The following DOCK3 variants were observed in gnomAD, a reference collection of about 807,000 sequenced individuals.
The protein encoded by DOCK3 is dedicator of cytokinesis protein 3.
In DOCK3, 60 loss-of-function variants were observed where a neutral mutation model predicts 265.6. The ratio of observed to expected loss-of-function variants is 0.23; its 90% confidence interval spans 0.18 to 0.28. The LOEUF (loss-of-function observed/expected upper bound fraction) is 0.28. Ranked by LOEUF, DOCK3 falls within the 10% of genes least tolerant of loss-of-function variation. The probability of loss-of-function intolerance (pLI) is 1.00; values close to 1 mark genes in which losing one functional copy is unlikely to be tolerated. For synonymous variants in DOCK3, 881 were observed against 938.0 expected, an observed-to-expected ratio of 0.94 and a Z score of 1.11; for missense variants, 1,981 against 2,594.3, an observed-to-expected ratio of 0.76 and a Z score of 5.14.
chr3:50,978,497 C>A (rs1056477831), intron 5 of DOCK3, among the ~76,000 whole-genome samples: 1 of 152,180 alleles, frequency 6.6e-6, no homozygotes, highest in Non-Finnish European at 1.5e-5. Flanking sequence ...AGGCAGTCTG[C>A]CCGTTCTCAG....
chr3:50,897,648 G>A (rs915662166), intron 4 of DOCK3, among the ~76,000 whole-genome samples: 3 of 151,388 alleles, frequency 2.0e-5, no homozygotes, highest in East Asian at 1.9e-4. Context: ...TTTGAGATAC[G>A]TTCAATCGGT....
chr3:50,883,751 T>C (rs938828830), intron 3 of DOCK3, among the ~76,000 whole-genome samples: 4 of 152,190 alleles, frequency 2.6e-5, no homozygotes, highest in African/African-American at 7.2e-5. Flanking sequence ...AAATCTAGAA[T>C]GTAAAATACA....
chr3:50,700,857 T>G (rs1019085659), intron 1 of DOCK3, among the ~76,000 whole-genome samples: 3 of 152,204 alleles, frequency 2.0e-5, no homozygotes, highest in African/African-American at 7.2e-5. Flanking sequence ...TAGTATAGTA[T>G]AGTAGTCTCT....
intron 4 of DOCK3, among the ~76,000 whole-genome samples, chr3:50,895,212 T>C (rs545591463): frequency 6.6e-6 from 1 of 151,922 alleles, no homozygotes; most frequent in South Asian, 2.1e-4. Flanking sequence ...CGCTTTTTTT[T>C]TTTTTTTTTT....
intron 12 of DOCK3, among the ~76,000 whole-genome samples, chr3:51,197,508 G>A (rs1247121360): frequency 6.6e-6 from 1 of 152,184 alleles, no homozygotes; most frequent in African/African-American, 2.4e-5. Context: ...GCACATGCAG[G>A]CAGATGCCAG....
chr3:51,348,869 C>A lies in DOCK3; in HGVS notation c.3933C>A (p.Ile1311=). ...FNKGKSWEFG[I]PLCRELACQY... The stretch of plus-strand genomic sequence containing the variant: ...TGACACAGAGCTGGGAGTTTGGGAT[C>A]CCACTGTGCAGGGAGCTGGCGTGTC... The change falls in exon 39 of 53, where the codon ATC becomes ATA. Residue 1311 remains isoleucine, a synonymous_variant. Coordinates refer to ENST00000266037, the MANE Select transcript of DOCK3 (RefSeq NM_004947.5). 6.3e-7 allele frequency: 1 copy of A among 1,582,408 alleles called. No homozygotes were observed. The highest frequency in any genetic ancestry group is 8.6e-7 in the Non-Finnish European group (1 of 1,164,026).
chr3:51,226,869 A>G (rs1410074700), intron 15 of DOCK3, among the ~76,000 whole-genome samples: 3 of 152,248 alleles, frequency 2.0e-5, no homozygotes, highest in African/African-American at 4.8e-5. Context: ...ACTGAGGACA[A>G]TTAGAAAACA....
At chr3:50,893,563 T>C (rs1220753048) in intron 4 of DOCK3, among the ~76,000 whole-genome samples, 1 of 151,834 alleles carries the variant, frequency 6.6e-6, no homozygotes, top group Non-Finnish European at 1.5e-5. Flanking sequence ...TTTGAAATGA[T>C]CCATTCAGAG....
intron 1 of DOCK3, among the ~76,000 whole-genome samples, chr3:50,741,677 T>A (rs1576302052): frequency 6.6e-6 from 1 of 150,686 alleles, no homozygotes; most frequent in East Asian, 1.9e-4. Flanking sequence ...TCTATCATTG[T>A]TGGACATTTG....
intron 2 of DOCK3, among the ~76,000 whole-genome samples, chr3:50,833,811 T>A (rs901383781): frequency 6.6e-6 from 1 of 152,210 alleles, no homozygotes; most frequent in Non-Finnish European, 1.5e-5. Flanking sequence ...GAGAACATTC[T>A]TACTGCACTT....
chr3:51,261,042 G>T (rs758851616), intron 23 of DOCK3, among the ~76,000 whole-genome samples: 40 of 152,024 alleles, frequency 2.6e-4, no homozygotes, highest in South Asian at 6.3e-4. Flanking sequence ...TCCAGAAGTT[G>T]AATGAAATAA....
At chr3:50,891,879 T>C (rs1263434790) in intron 4 of DOCK3, among the ~76,000 whole-genome samples, 1 of 152,044 alleles carries the variant, frequency 6.6e-6, no homozygotes, top group Non-Finnish European at 1.5e-5. Flanking sequence ...ATAAAGGACA[T>C]TGGGGAGCAC....
At chr3:50,843,677 AT>A (rs2107287722) in intron 3 of DOCK3, among the ~76,000 whole-genome samples, 1 of 152,254 alleles carries the variant, frequency 6.6e-6, no homozygotes, top group Admixed American at 6.5e-5. Context: ...TAATTTCATT[AT>A]TTTGGGGGCT....
At chr3:51,218,269 A>T (rs1431352614) in intron 14 of DOCK3, among the ~76,000 whole-genome samples, 2 of 151,784 alleles carry the variant, frequency 1.3e-5, no homozygotes, top group African/African-American at 4.8e-5. Flanking sequence ...CCCCATCTCT[A>T]AAAAAAATGC....
chr3:50,964,126 C>T (rs1315732572), intron 5 of DOCK3, among the ~76,000 whole-genome samples: 1 of 152,144 alleles, frequency 6.6e-6, no homozygotes, highest in East Asian at 1.9e-4. Flanking sequence ...GGACTTGCTT[C>T]AATAGTGGGG....
At chr3:51,348,992 G>T in intron 39 of DOCK3, 54 bp downstream of exon 39, 5 of 1,493,722 alleles carry the variant, frequency 3.3e-6, no homozygotes, top group Non-Finnish European at 4.5e-6. Flanking sequence ...GTTTCTAAAT[G>T]AGCGTTCTCT....
chr3:50,805,014 T>C (rs1435511073), intron 2 of DOCK3, among the ~76,000 whole-genome samples: 1 of 152,242 alleles, frequency 6.6e-6, no homozygotes, highest in Non-Finnish European at 1.5e-5. Context: ...ATTTCACATA[T>C]TTTCTTATGA....
chr3:50,896,576 A>C (rs2048901082), intron 4 of DOCK3, among the ~76,000 whole-genome samples: 1 of 152,128 alleles, frequency 6.6e-6, no homozygotes, highest in Admixed American at 6.6e-5. Context: ...CTCTGCCCTG[A>C]ATGGTATTGC....
chr3:51,247,839 G>T (rs1032423049), intron 22 of DOCK3, among the ~76,000 whole-genome samples: 1 of 152,152 alleles, frequency 6.6e-6, no homozygotes, highest in Non-Finnish European at 1.5e-5. Context: ...GTAGGGCAGG[G>T]TGCTGAGGCA....
Sources: allele counts gnomAD v4.1 joint callset (sites outside exome capture counted in the v4.1 genomes callset), GRCh38; gene constraint gnomAD v4.1.1; transcripts MANE v1.5; gene names NCBI Gene and HGNC (gene_info 2026-07-23, HGNC 2026-07-21).